Variants in ARHGEF10L observed in about 807,000 individuals in gnomAD.
ARHGEF10L encodes the protein Rho guanine nucleotide exchange factor 10 like.
ARHGEF10L carries 69 observed loss-of-function variants against 141.2 expected under a neutral mutation model. That is an observed-to-expected ratio of 0.49 (90% CI 0.40 to 0.60). The LOEUF is 0.60. Ranked by LOEUF, ARHGEF10L falls within the 20% of genes least tolerant of loss-of-function variation. ARHGEF10L has a pLI of 0.00. For synonymous variants in ARHGEF10L, 711 were observed against 718.5 expected, an observed-to-expected ratio of 0.99 and a Z score of 0.17; for missense variants, 1,482 against 1,734.3, an observed-to-expected ratio of 0.85 and a Z score of 2.58.
At position 17,632,480 on chromosome 1, in the gene ARHGEF10L, G is replaced by T; in HGVS notation, c.1730+14G>T. The T allele has an allele frequency of 1.9e-6, 3 of 1,613,948 alleles. No individual in the cohort carries two copies. The highest frequency in any genetic ancestry group is 2.5e-6 in the Non-Finnish European group (3 of 1,179,912). ...CATCAACTTCAAGTAAGTGGGCCTG[G>T]GTTGGAGGGGGCAATCACCCCTCCC... On this transcript the variant is annotated intron_variant, in intron 16 of 28. Coordinates refer to ENST00000361221, the MANE Select transcript of ARHGEF10L (RefSeq NM_018125.4).
the ARHGEF10L span, among the ~76,000 whole-genome samples, chr1:17,518,854 G>A: frequency 6.7e-6 from 1 of 148,522 alleles, no homozygotes; most frequent in African/African-American, 2.5e-5. Context: ...GAAGAACTCA[G>A]TGTGCTGGTC....
intron 7 of ARHGEF10L, among the ~76,000 whole-genome samples, 180 bp from the exon 8 acceptor site, chr1:17,612,878 C>T (rs34264132): frequency 0.037 from 5,566 of 152,304 alleles, 362 homozygotes; most frequent in Admixed American, 0.18. Context: ...GAGCAGATTC[C>T]GGGCAGGATC....
intron 1 of ARHGEF10L, among the ~76,000 whole-genome samples, chr1:17,562,688 AT>A (rs1333463029): frequency 1.3e-5 from 2 of 152,156 alleles, no homozygotes; most frequent in African/African-American, 4.8e-5. Context: ...TTTTGTATAC[AT>A]TGGCGAGGTG....
chr1:17,627,303 T>G lies in ARHGEF10L; in HGVS notation c.1411-27T>G. On this transcript the variant is annotated intron_variant, in intron 14 of 28. Coordinates refer to ENST00000361221, the MANE Select transcript of ARHGEF10L (RefSeq NM_018125.4). The surrounding 1 kb of genome is among the most constrained non-coding windows in gnomAD (Gnocchi z 4.0). ...GGGGTAGAGTTGGTCATGGGTGGGC[T>G]GCTCAGTCTCTGCTCTGACCTGGCA... 1 of 1,605,584 alleles carries G rather than the reference T, an allele frequency of 6.2e-7. No homozygotes were observed. Among genetic ancestry groups the G allele is most frequent in the South Asian group, 1.1e-5 (1 of 90,642 alleles).
intron 1 of ARHGEF10L, among the ~76,000 whole-genome samples, chr1:17,569,620 C>T (rs749598558): frequency 6.6e-6 from 1 of 152,174 alleles, no homozygotes; most frequent in Non-Finnish European, 1.5e-5. Flanking sequence ...AGATGGGACC[C>T]TGTGGGCTTT....
intron 4 of ARHGEF10L, among the ~76,000 whole-genome samples, chr1:17,600,968 T>C (rs182699784): frequency 1.4e-5 from 2 of 148,028 alleles, no homozygotes; most frequent in Admixed American, 1.4e-4. Context: ...GAGGATTGCT[T>C]GAACCCGGGA....
intron 26 of ARHGEF10L, among the ~76,000 whole-genome samples, chr1:17,665,860 C>G (rs2062947621): frequency 6.6e-6 from 1 of 152,160 alleles, no homozygotes; most frequent in South Asian, 2.1e-4. Context: ...GGACAGCAAG[C>G]TGGAGACCCA....
At chr1:17,593,222 G>A (rs1331355849) in intron 4 of ARHGEF10L, among the ~76,000 whole-genome samples, 2 of 152,188 alleles carry the variant, frequency 1.3e-5, no homozygotes, top group East Asian at 1.9e-4. Flanking sequence ...TTATCCCAGT[G>A]CCTGGCAGAG....
rs963062336 is a variant in ARHGEF10L at position 17,615,731 on chromosome 1, G to A, written c.727-363G>A. Reference sequence around the variant, plus strand: ...CCTGGGGAAATGGAGGCTCAGTGACGTTCAGTGACGTGCCCAGAGTCATGC... The same window carrying A: ...CCTGGGGAAATGGAGGCTCAGTGACATTCAGTGACGTGCCCAGAGTCATGC... On this transcript the variant is annotated intron_variant, in intron 8 of 28. Transcript: ENST00000361221. The surrounding 1 kb of genome is among the most constrained non-coding windows in gnomAD (Gnocchi z 4.7). 16 of 187,528 alleles carry A rather than the reference G, an allele frequency of 8.5e-5. 1 individual carries two copies. Among genetic ancestry groups the A allele is most frequent in the South Asian group, 5.7e-4 (4 of 6,970 alleles). 11.6% of individuals were successfully genotyped at this position (187,528 alleles called of 1,614,324 possible). A position where few individuals can be genotyped will look rare whatever the true frequency, so the allele number is the denominator to read the frequency against.
intron 26 of ARHGEF10L, among the ~76,000 whole-genome samples, chr1:17,684,545 G>T (rs1288923090): frequency 6.6e-6 from 1 of 152,162 alleles, no homozygotes; most frequent in Non-Finnish European, 1.5e-5. Context: ...AAGAGGAAGA[G>T]ACCCCCGATA....
chr1:17,666,438 C>T (rs899087102), intron 26 of ARHGEF10L, among the ~76,000 whole-genome samples: 16 of 152,074 alleles, frequency 1.1e-4, no homozygotes, highest in African/African-American at 3.9e-4. Context: ...TTTTGAGGAG[C>T]AGGGGCCTGG....
Position 17,639,823 on chromosome 1 carries a change from T to G in ARHGEF10L, c.2172-379T>G. Reference sequence around the variant, plus strand: ...AACAGACCCAAGTGAGACCCATTCCTCCCTCTAGAGGCACGTGGTCAGACA... The same window carrying G: ...AACAGACCCAAGTGAGACCCATTCCGCCCTCTAGAGGCACGTGGTCAGACA... On this transcript the variant is annotated intron_variant, in intron 20 of 28. Coordinates refer to ENST00000361221, the MANE Select transcript of ARHGEF10L (RefSeq NM_018125.4). The surrounding 1 kb of genome is among the most constrained non-coding windows in gnomAD (Gnocchi z 4.3). 7.5e-7 allele frequency: 1 copy of G among 1,329,226 alleles called. No individual in the cohort carries two copies. Among genetic ancestry groups the G allele is most frequent in the Non-Finnish European group, 9.8e-7 (1 of 1,015,254 alleles). 82.3% of individuals were successfully genotyped at this position (1,329,226 alleles called of 1,614,324 possible).
Position 17,580,624 on chromosome 1 carries a change from C to G in ARHGEF10L, c.29C>G (p.Pro10Arg), listed in dbSNP as rs1557735181. 1 of 1,614,226 alleles carries G rather than the reference C, an allele frequency of 6.2e-7. No homozygotes were observed. Among genetic ancestry groups the G allele is most frequent in the Non-Finnish European group, 8.5e-7 (1 of 1,180,042 alleles). MASSNPPPQ[P>R]AIGDQLVPGV... Reference sequence around the variant, plus strand: ...GCTTCCTCCAACCCTCCTCCACAGCCTGCCATAGGTACCGTACCCAGGGCT... The same window carrying G: ...GCTTCCTCCAACCCTCCTCCACAGCGTGCCATAGGTACCGTACCCAGGGCT... Residue 10 changes from proline to arginine, a missense_variant, in exon 2 of 29, where the codon CCT becomes CGT. Physicochemically the swap from Pro to Arg is moderately radical, Grantham distance 103. Around this residue, in one of 3 missense-constraint regions of ARHGEF10L, gnomAD observed 232 missense variants for 225.9 expected, o/e 1.03. Coordinates refer to ENST00000361221, the MANE Select transcript of ARHGEF10L (RefSeq NM_018125.4).
intron 1 of ARHGEF10L, among the ~76,000 whole-genome samples, chr1:17,557,769 C>T (rs904240070): frequency 1.3e-5 from 2 of 152,202 alleles, no homozygotes; most frequent in Admixed American, 1.3e-4. Flanking sequence ...CAGTCTCGGA[C>T]ATTATGTCAC....
At chr1:17,683,520 C>T (rs1157056553) in intron 26 of ARHGEF10L, among the ~76,000 whole-genome samples, 1 of 152,202 alleles carries the variant, frequency 6.6e-6, no homozygotes, top group African/African-American at 2.4e-5. Flanking sequence ...CTGGCTCCAC[C>T]TACTCCCTGC....
chr1:17,695,385 G>T, intron 28 of ARHGEF10L, 105 bp downstream of exon 28: 1 of 1,432,322 alleles, frequency 7.0e-7, no homozygotes, highest in East Asian at 2.4e-5. Context: ...TATAGGGATG[G>T]GGTTCCAGTC....
intron 25 of ARHGEF10L, among the ~76,000 whole-genome samples, chr1:17,661,334 T>TC (rs2062612005): frequency 1.3e-5 from 2 of 152,366 alleles, no homozygotes; most frequent in Non-Finnish European, 1.5e-5. Flanking sequence ...CGCCCCGGCC[T>TC]CCCAAAGTGT....
chr1:17,539,465 G>A (rs1166282528), upstream of ARHGEF10L, among the ~76,000 whole-genome samples: 2 of 151,666 alleles, frequency 1.3e-5, no homozygotes, highest in African/African-American at 2.4e-5. The surrounding 1 kb of genome is among the most constrained non-coding windows in gnomAD (Gnocchi z 6.0). Flanking sequence ...GGAGGTCGCC[G>A]TGTGGCCGGG....
intron 10 of ARHGEF10L, among the ~76,000 whole-genome samples, chr1:17,620,947 G>A (rs2060075273): frequency 1.3e-5 from 2 of 152,280 alleles, no homozygotes; most frequent in Non-Finnish European, 2.9e-5. Context: ...TGACTGTGTT[G>A]GAAAGATCCT....
Sources: allele counts gnomAD v4.1 joint callset (sites outside exome capture counted in the v4.1 genomes callset), GRCh38; gene constraint gnomAD v4.1.1; regional missense constraint gnomAD v4.1.1; non-coding constraint Gnocchi (gnomAD v3.1); transcripts MANE v1.5; gene names NCBI Gene and HGNC (gene_info 2026-07-23, HGNC 2026-07-21).